The following SHMT1 variants were observed in gnomAD, a reference collection of about 807,000 sequenced individuals.
SHMT1 encodes serine hydroxymethyltransferase, cytosolic.
A neutral mutation model predicts 49.0 loss-of-function variants in SHMT1; 45 were observed. The ratio of observed to expected loss-of-function variants is 0.92; its 90% CI spans 0.72 to 1.18. The LOEUF (loss-of-function observed/expected upper bound fraction) is 1.18, where lower values mean the gene tolerates loss of function less well. Ranked by LOEUF, SHMT1 falls within the 50% of genes most tolerant of loss-of-function variation. The pLI is 0.00. For synonymous variants in SHMT1, 232 were observed against 246.6 expected, an observed-to-expected ratio of 0.94 and a Z score of 0.55; for missense variants, 541 against 612.4, an observed-to-expected ratio of 0.88 and a Z score of 1.23.
chr17:18,333,434 A>G (rs1983452699), intron 8 of SHMT1, 146 bp from the exon 9 acceptor site: 2 of 486,990 alleles, frequency 4.1e-6, no homozygotes, highest in East Asian at 8.1e-5. Flanking sequence ...TTCCTCCAAA[A>G]TGATATATTT....
intron 8 of SHMT1, 30 bp downstream of exon 8, chr17:18,335,529 C>T (rs2151570568): frequency 1.4e-6 from 2 of 1,469,396 alleles, no homozygotes; most frequent in Non-Finnish European, 1.9e-6. Flanking sequence ...TTAGGGGCTA[C>T]AGGATGAGCA....
At chr17:18,355,241 G>A (rs1247162631) in intron 2 of SHMT1, among the ~76,000 whole-genome samples, 2 of 150,986 alleles carry the variant, frequency 1.3e-5, no homozygotes, top group Non-Finnish European at 2.9e-5. Flanking sequence ...GTGGTGGCAG[G>A]CACCTGTAGT....
intron 9 of SHMT1, chr17:18,330,932 C>T (rs533045444): frequency 1.4e-5 from 7 of 489,732 alleles, no homozygotes; most frequent in Non-Finnish European, 2.7e-5. Flanking sequence ...GGACAGCTTC[C>T]TCAGGCTGCT....
chr17:18,348,811 ACAAAAAATTT>A, intron 3 of SHMT1: 1 of 469,676 alleles, frequency 2.1e-6, no homozygotes, highest in Non-Finnish European at 4.2e-6. Flanking sequence ...CCCCATCTCT[ACAAAAAATTT>A]CAAAAAATTA....
intron 8 of SHMT1, 49 bp from the exon 9 acceptor site, chr17:18,333,337 C>T (rs747169258): frequency 4.4e-6 from 7 of 1,592,852 alleles, no homozygotes; most frequent in Non-Finnish European, 5.1e-6. Flanking sequence ...GAATCATACA[C>T]AGATGATGAG....
intron 1 of SHMT1, among the ~76,000 whole-genome samples, chr17:18,358,123 A>G (rs926807745): frequency 3.9e-5 from 5 of 127,334 alleles, no homozygotes; most frequent in African/African-American, 1.1e-4. Context: ...GGTGTGAGCC[A>G]CCGCGCCCAG....
intron 1 of SHMT1, among the ~76,000 whole-genome samples, chr17:18,360,009 A>G (rs570463285): frequency 1.1e-4 from 17 of 152,188 alleles, no homozygotes; most frequent in Non-Finnish European, 2.2e-4. Context: ...GCACTTTGGG[A>G]GGCCAAGGCG....
intron 3 of SHMT1, among the ~76,000 whole-genome samples, chr17:18,350,331 A>T (rs946884099): frequency 1.6e-4 from 24 of 151,540 alleles, no homozygotes; most frequent in African/African-American, 5.3e-4. Flanking sequence ...ACTCCGTCTC[A>T]AAATAAATAA....
At position 18,328,428 on chromosome 17, in the gene SHMT1, C is replaced by T. The variant is rs1387675656; in HGVS notation, c.*322G>A. 2 of 371,806 alleles carry T rather than the reference C, an allele frequency of 5.4e-6. No homozygotes were observed. Among genetic ancestry groups the T allele is most frequent in the East Asian group, 6.2e-5 (1 of 16,204 alleles). The allele number at this position is 371,806 out of a possible 1,614,324, so 23.0% of individuals were successfully genotyped here. A position where few individuals can be genotyped will look rare whatever the true frequency, so the allele number is the denominator to read the frequency against. Reference sequence around the variant, plus strand: ...GAGTAAAACGCTACAATCTTTCTAACAGCTTTGCCCTACACCACCATCTAA... The same window carrying T: ...GAGTAAAACGCTACAATCTTTCTAATAGCTTTGCCCTACACCACCATCTAA... On this transcript the variant is annotated 3_prime_UTR_variant, in exon 12 of 12. Coordinates refer to ENST00000316694, the MANE Select transcript of SHMT1 (RefSeq NM_004169.5).
At position 18,328,855 on chromosome 17, in the gene SHMT1, C is replaced by A. The variant is rs747392627; in HGVS notation, c.1347G>T (p.Lys449Asn). ...GGTACTTATCCCCTGCCAGTCTCTC[C>A]TTGAACTCTTTCAGGGTGGCTCTGA... ...TGVRATLKEF[K>N]ERLAGDKYQA... The change falls in exon 12 of 12, where the codon AAG becomes AAT. Residue 449 changes from lysine to asparagine, a missense_variant. By Grantham distance (94) the Lys-to-Asn change is moderately conservative (BLOSUM62 0). Transcript: ENST00000316694. 1 of 1,613,914 alleles carries A rather than the reference C, an allele frequency of 6.2e-7. No individual in the cohort carries two copies. The highest frequency in any genetic ancestry group is 1.1e-5 in the South Asian group (1 of 91,060).
intron 3 of SHMT1, chr17:18,353,471 C>T: frequency 1.5e-6 from 1 of 663,910 alleles, no homozygotes; most frequent in Non-Finnish European, 2.7e-6. Flanking sequence ...GAAATGTGCC[C>T]CTGAGTACAC....
At chr17:18,361,176 G>A (rs1301454047) in intron 1 of SHMT1, among the ~76,000 whole-genome samples, 4 of 151,626 alleles carry the variant, frequency 2.6e-5, no homozygotes, top group African/African-American at 7.3e-5. Context: ...TGTGTGGTGC[G>A]CACCTGTAAC....
chr17:18,354,220 C>CCT (rs1174192201), intron 2 of SHMT1, among the ~76,000 whole-genome samples: 1 of 152,112 alleles, frequency 6.6e-6, no homozygotes, highest in African/African-American at 2.4e-5. Context: ...GGGTTCGAGA[C>CCT]CAGCCTGACT....
chr17:18,337,618 C>G (rs1983951091), intron 7 of SHMT1, among the ~76,000 whole-genome samples: 1 of 150,816 alleles, frequency 6.6e-6, no homozygotes, highest in South Asian at 2.1e-4. Context: ...CCCTCTGATG[C>G]CGAGCCGAAG....
chr17:18,356,626 C>T (rs1457129909), intron 1 of SHMT1, among the ~76,000 whole-genome samples: 2 of 152,214 alleles, frequency 1.3e-5, no homozygotes, highest in African/African-American at 4.8e-5. Context: ...AGCCACCATG[C>T]CTGGCCGCAG....
chr17:18,329,520 T>A, intron 10 of SHMT1, 132 bp from the exon 11 acceptor site: 1 of 738,072 alleles, frequency 1.4e-6, no homozygotes, highest in Non-Finnish European at 2.3e-6. Flanking sequence ...GGAGTACAAC[T>A]GATTCAGAAA....
intron 7 of SHMT1, among the ~76,000 whole-genome samples, chr17:18,337,174 C>T (rs1345201754): frequency 6.6e-6 from 1 of 152,126 alleles, no homozygotes; most frequent in East Asian, 1.9e-4. Flanking sequence ...GGGACAGGTA[C>T]TATTATTATA....
chr17:18,337,753 T>G (rs1983974154), intron 7 of SHMT1, among the ~76,000 whole-genome samples: 2 of 152,226 alleles, frequency 1.3e-5, no homozygotes, highest in South Asian at 4.1e-4. Flanking sequence ...CGTATTTTTT[T>G]GGTGGAGACG....
chr17:18,347,669 G>A lies in SHMT1; in HGVS notation c.359-13C>T, dbSNP rs773017061. Reference sequence around the variant, plus strand: ...TTTGCAGGGGAGCCTGAAACGAGTGGACCAGAGGAGACATGATTATTTCTA... The same window carrying A: ...TTTGCAGGGGAGCCTGAAACGAGTGAACCAGAGGAGACATGATTATTTCTA... On this transcript the variant is annotated splice_polypyrimidine_tract_variant and intron_variant, in intron 4 of 11. Transcript: ENST00000316694. 3 of 1,614,014 alleles carry A rather than the reference G, an allele frequency of 1.9e-6. No homozygotes were observed. The highest frequency in any genetic ancestry group is 2.2e-5 in the East Asian group (1 of 44,876).
Sources: gnomAD v4.1 joint callset for allele counts (sites outside exome capture counted in the v4.1 genomes callset) on GRCh38, gnomAD v4.1.1 for gene constraint, MANE v1.5 for transcripts, NCBI Gene and HGNC (gene_info 2026-07-23, HGNC 2026-07-21) for gene names.